The following SLC27A2 variants were observed in gnomAD, a reference collection of about 807,000 sequenced individuals.
SLC27A2 encodes the protein long-chain fatty acid transport protein 2.
SLC27A2 carries 54 observed loss-of-function variants against 60.0 expected under a neutral mutation model. The observed-to-expected ratio is 0.90, with a 90% CI of 0.72 to 1.13. The LOEUF (loss-of-function observed/expected upper bound fraction) is 1.13, where lower values mean the gene tolerates loss of function less well. Among genes scored for constraint, SLC27A2 ranks in the 50% most tolerant of loss-of-function variants. The probability of loss-of-function intolerance (pLI) is 0.00; values close to 1 mark genes in which losing one functional copy is unlikely to be tolerated. For synonymous variants in SLC27A2, 297 were observed against 297.6 expected (o/e 1.00, Z 0.02); for missense variants, 739 against 777.6 (o/e 0.95, Z 0.59).
rs1595689379 is a variant in SLC27A2 at position 50,217,373 on chromosome 15, A to G, written c.973-5592A>G. ...AAAGAAGCTTTGACTGAAGGACCCC[A>G]AGAACAGAGGAGAGCAGGGACGAGG... On this transcript the variant is annotated intron_variant, in intron 4 of 9. Coordinates refer to ENST00000267842, the MANE Select transcript of SLC27A2 (RefSeq NM_003645.4). 2.0e-5 allele frequency among the ~76,000 whole-genome samples: 3 copies of G among 152,312 alleles called. No homozygotes were observed. The South Asian group carries it at 6.2e-4, about 32-fold the overall frequency.
rs921052664 is a variant in SLC27A2 at position 50,230,236 on chromosome 15, C to CAA, written c.1555+1213_1555+1214dup. 8.4e-3 allele frequency among the ~76,000 whole-genome samples: 411 copies of CAA among 48,644 alleles called. 5 individuals carry two copies. Among genetic ancestry groups the CAA allele is most frequent in the African/African-American group, 0.033 (368 of 11,174 alleles). The allele number at this position is 48,644 out of a possible 152,430, so 31.9% of individuals were successfully genotyped here. A position where few individuals can be genotyped will look rare whatever the true frequency, so the allele number is the denominator to read the frequency against. ...GCAACAGAGCAAGACTCTGTCTCAC[C>CAA]AAAAAAAAAAAAAAAAAAAATTAAG... is the stretch of plus-strand genomic sequence containing the variant. On this transcript the variant is annotated intron_variant, in intron 8 of 9. Coordinates refer to ENST00000267842, the MANE Select transcript of SLC27A2 (RefSeq NM_003645.4).
intron 5 of SLC27A2, among the ~76,000 whole-genome samples, chr15:50,224,419 A>C (rs1047557835): frequency 1.3e-5 from 2 of 152,184 alleles, no homozygotes; most frequent in African/African-American, 4.8e-5. Flanking sequence ...CAGCCTGGGC[A>C]ACAGAGCGAA....
At chr15:50,201,102 C>A (rs1201174466) in intron 2 of SLC27A2, among the ~76,000 whole-genome samples, 2 of 152,124 alleles carry the variant, frequency 1.3e-5, no homozygotes, top group Non-Finnish European at 2.9e-5. Flanking sequence ...GGCGATCATC[C>A]CACCCAAGTA....
At chr15:50,231,752 A>T (rs975853376) in intron 8 of SLC27A2, among the ~76,000 whole-genome samples, 2 of 152,194 alleles carry the variant, frequency 1.3e-5, no homozygotes, top group African/African-American at 4.8e-5. Flanking sequence ...ACAGTCTTAC[A>T]GTGTTGGCAG....
At chr15:50,227,361 C>T (rs771545538) in intron 7 of SLC27A2, among the ~76,000 whole-genome samples, 183 bp downstream of exon 7, 16 of 152,192 alleles carry the variant, frequency 1.1e-4, no homozygotes, top group Non-Finnish European at 2.1e-4. Flanking sequence ...CTGCAGTGCA[C>T]GGTTAACTTG....
At chr15:50,202,722 G>T in intron 3 of SLC27A2, 77 bp downstream of exon 3, 1 of 1,490,136 alleles carries the variant, frequency 6.7e-7, no homozygotes, top group Non-Finnish European at 9.2e-7. Context: ...ACAAAATTTG[G>T]CTACGTTGCT....
At chr15:50,234,502 G>A (rs573801586) in intron 9 of SLC27A2, among the ~76,000 whole-genome samples, 1 of 150,002 alleles carries the variant, frequency 6.7e-6, no homozygotes, top group Non-Finnish European at 1.5e-5. Flanking sequence ...CAGGAGAATC[G>A]CTTGAACCTA....
intron 1 of SLC27A2, among the ~76,000 whole-genome samples, chr15:50,192,459 G>A (rs1396630912): frequency 6.6e-6 from 1 of 152,172 alleles, no homozygotes. Context: ...AAGTTGCTTG[G>A]ACTGTGATCA....
chr15:50,199,979 C>T (rs539922435), intron 2 of SLC27A2, among the ~76,000 whole-genome samples: 16 of 152,172 alleles, frequency 1.1e-4, no homozygotes, highest in African/African-American at 3.9e-4. Flanking sequence ...TTTGTTTAAA[C>T]AGTTGGAGAA....
chr15:50,194,234 G>T (rs943364377), intron 1 of SLC27A2, among the ~76,000 whole-genome samples: 3 of 152,134 alleles, frequency 2.0e-5, no homozygotes, highest in African/African-American at 7.2e-5. Flanking sequence ...AGCTGTAGAA[G>T]GGAGCAGCTA....
rs2140902332 is a variant in SLC27A2, at chr15:50,202,663, A to G, written c.847+18A>G. On this transcript the variant is annotated intron_variant, in intron 3 of 9. Coordinates refer to ENST00000267842, the MANE Select transcript of SLC27A2 (RefSeq NM_003645.4). ...TGTGGCTGGTAAGCTTTTTCTACAA[A>G]ATGTTGGAGGCGAGTGCACATTTAC... The G allele has an allele frequency of 6.2e-7, 1 of 1,609,676 alleles. No individual in the cohort carries two copies. The highest frequency in any genetic ancestry group is 1.3e-5 in the African/African-American group (1 of 74,964).
rs1347294652 is a variant in SLC27A2, at chr15:50,232,641, T to C, written c.1556-1227T>C. ...TTGCCCGTAGGTCCAGCGTCGCTAC[T>C]ACCAGAGCAAGAAGCAAGGAGACGG... On this transcript the variant is annotated intron_variant, in intron 8 of 9. Transcript: ENST00000267842. Among the ~76,000 whole-genome samples the C allele has an allele frequency of 9.2e-5, 14 of 152,180 alleles. No individual in the cohort carries two copies. In the East Asian group the frequency reaches 2.7e-3, roughly 29 times the overall value.
At chr15:50,194,842 GA>G (rs150751800) in intron 1 of SLC27A2, among the ~76,000 whole-genome samples, 3 of 149,848 alleles carry the variant, frequency 2.0e-5, no homozygotes, top group Admixed American at 6.6e-5. Flanking sequence ...TGGGGCAAAA[GA>G]AAAAAAAAGA....
chr15:50,196,074 A>AT lies in SLC27A2; in HGVS notation c.479-1426_479-1425insT, dbSNP rs2045017366. Among the ~76,000 whole-genome samples, 4 of 16,308 alleles carry AT rather than the reference A, an allele frequency of 2.5e-4. 1 individual carries two copies. The highest frequency in any genetic ancestry group is 9.7e-4 in the Admixed American group (1 of 1,032). 10.7% of individuals were successfully genotyped at this position (16,308 alleles called of 152,430 possible). A position where few individuals can be genotyped will look rare whatever the true frequency, so the allele number is the denominator to read the frequency against. ...GTCTCAAAAAAAAAAAAAAAAAAAA[A>AT]AAAATATATATATATATATATATAT... is the stretch of plus-strand genomic sequence containing the variant. On this transcript the variant is annotated intron_variant, in intron 1 of 9. Transcript: ENST00000267842.
At chr15:50,225,372 A>G (rs2045271821) in intron 5 of SLC27A2, among the ~76,000 whole-genome samples, 1 of 152,210 alleles carries the variant, frequency 6.6e-6, no homozygotes, top group African/African-American at 2.4e-5. Flanking sequence ...TAGAGTTTTC[A>G]TAATTTTATA....
intron 4 of SLC27A2, among the ~76,000 whole-genome samples, chr15:50,219,067 T>G (rs2045223943): frequency 6.6e-6 from 1 of 152,182 alleles, no homozygotes; most frequent in Non-Finnish European, 1.5e-5. Flanking sequence ...GGCTCCTCAG[T>G]GTTGTATTAT....
chr15:50,186,716 C>T (rs1286109105), intron 1 of SLC27A2, among the ~76,000 whole-genome samples: 2 of 152,190 alleles, frequency 1.3e-5, no homozygotes, highest in African/African-American at 4.8e-5. Context: ...GGATTAGAGG[C>T]GTGAGCCACT....
Position 50,217,422 on chromosome 15 carries a change from G to C in SLC27A2, c.973-5543G>C, listed in dbSNP as rs1436395167. On this transcript the variant is annotated intron_variant, in intron 4 of 9. Transcript: ENST00000267842. ...GGCACTGAAAACAGAGATTAAGAAA[G>C]TATCTACGTACTAACCAGGGAGACC... is the stretch of plus-strand genomic sequence containing the variant. Among the ~76,000 whole-genome samples, 3 of 152,040 alleles carry C rather than the reference G, an allele frequency of 2.0e-5. No homozygotes were observed. The East Asian group carries it at 5.8e-4, about 29-fold the overall frequency.
chr15:50,194,191 GC>G (rs780167478), intron 1 of SLC27A2, among the ~76,000 whole-genome samples: 2 of 152,164 alleles, frequency 1.3e-5, no homozygotes, highest in Middle Eastern at 3.4e-3. Context: ...GTGTATAAGC[GC>G]CCTGATAATT....
Sources: gnomAD v4.1 joint callset for allele counts (sites outside exome capture counted in the v4.1 genomes callset) on GRCh38, gnomAD v4.1.1 for gene constraint, MANE v1.5 for transcripts, NCBI Gene and HGNC (gene_info 2026-07-23, HGNC 2026-07-21) for gene names.